Variants in ABI3BP observed in about 807,000 individuals in gnomAD.
ABI3BP encodes the protein ABI family member 3 binding protein, also known as target of Nesh-SH3.
A neutral mutation model predicts 268.6 loss-of-function variants in ABI3BP; 216 were observed. The observed-to-expected ratio is 0.80, with a 90% CI of 0.72 to 0.90. The LOEUF (loss-of-function observed/expected upper bound fraction) is 0.90, where lower values mean the gene tolerates loss of function less well. Among genes scored for constraint, ABI3BP ranks in the 40% least tolerant of loss-of-function variants. ABI3BP has a pLI of 0.00. For missense variants in ABI3BP, 2,090 were observed against 2,182.4 expected (o/e 0.96, Z 0.84); for synonymous variants, 730 against 730.0 (o/e 1.00, Z 0.00).
chr3:100,961,130 A>C (rs1335673898), intron 1 of ABI3BP, among the ~76,000 whole-genome samples: 3 of 152,264 alleles, frequency 2.0e-5, no homozygotes, highest in Non-Finnish European at 2.9e-5. Flanking sequence ...GGCACAACAA[A>C]GGCAGCCCTA....
chr3:100,894,965 A>AAAAAAAAAAAAAAAAAAC lies in ABI3BP; in HGVS notation c.461+3796_461+3797insGTTTTTTTTTTTTTTTTT, dbSNP rs760156604. ...AAAAAAAAAAAAAAAAAAAAAAAAA[A>AAAAAAAAAAAAAAAAAAC]AACAGAAAAAAAAAACACAAGATGA... On this transcript the variant is annotated intron_variant, in intron 4 of 67. Coordinates refer to ENST00000471714, the MANE Select transcript of ABI3BP (RefSeq NM_001375547.2). Among the ~76,000 whole-genome samples the AAAAAAAAAAAAAAAAAAC allele has an allele frequency of 2.2e-4, 26 of 120,860 alleles. 2 individuals are homozygous for AAAAAAAAAAAAAAAAAAC. The highest frequency in any genetic ancestry group is 3.3e-4 in the Non-Finnish European group (17 of 51,378). The allele number at this position is 120,860 out of a possible 152,430, so 79.3% of individuals were successfully genotyped here. A position where few individuals can be genotyped will look rare whatever the true frequency, so the allele number is the denominator to read the frequency against.
At chr3:100,804,425 G>T (rs2097639963) in intron 51 of ABI3BP, among the ~76,000 whole-genome samples, 1 of 152,118 alleles carries the variant, frequency 6.6e-6, no homozygotes, top group Non-Finnish European at 1.5e-5. Context: ...GCCTCCATTT[G>T]TAAAAACACT....
chr3:100,864,766 T>A (rs2099033322), intron 11 of ABI3BP, 67 bp downstream of exon 11: 1 of 1,225,986 alleles, frequency 8.2e-7, no homozygotes, highest in South Asian at 1.4e-5. Flanking sequence ...TTCTTTTCTG[T>A]GAGTCCTGGG....
intron 1 of ABI3BP, among the ~76,000 whole-genome samples, chr3:100,974,936 G>A (rs148518202): frequency 2.0e-4 from 31 of 152,268 alleles, no homozygotes; most frequent in African/African-American, 7.5e-4. Flanking sequence ...TGCCCAAGAT[G>A]CTGTTTGAGA....
intron 1 of ABI3BP, among the ~76,000 whole-genome samples, chr3:100,982,226 C>A (rs1388027722): frequency 6.6e-6 from 1 of 152,044 alleles, no homozygotes; most frequent in Non-Finnish European, 1.5e-5. Flanking sequence ...CCACCCTCCA[C>A]GTGTGGGGAT....
chr3:100,752,023 G>T (rs1328547770), intron 66 of ABI3BP, among the ~76,000 whole-genome samples: 1 of 152,156 alleles, frequency 6.6e-6, no homozygotes, highest in African/African-American at 2.4e-5. Flanking sequence ...GGTGGAACTG[G>T]CCAGGTGTAT....
intron 1 of ABI3BP, among the ~76,000 whole-genome samples, chr3:100,967,037 C>T (rs1045712120): frequency 4.6e-5 from 7 of 151,760 alleles, no homozygotes; most frequent in African/African-American, 9.7e-5. Context: ...GGTTAATTGA[C>T]TTAATGTTCC....
chr3:100,773,855 G>C (rs995435293), intron 61 of ABI3BP, among the ~76,000 whole-genome samples: 6 of 152,156 alleles, frequency 3.9e-5, no homozygotes, highest in Non-Finnish European at 7.4e-5. Flanking sequence ...AGTTCATACT[G>C]TATGTTTTCA....
At chr3:100,753,091 T>G in intron 65 of ABI3BP, 143 bp from the exon 66 acceptor site, 2 of 671,848 alleles carry the variant, frequency 3.0e-6, no homozygotes, top group South Asian at 2.0e-5. Context: ...TAGAGGGATT[T>G]AAACAAGTAA....
intron 2 of ABI3BP, among the ~76,000 whole-genome samples, chr3:100,910,138 T>G (rs1202119844): frequency 6.6e-6 from 1 of 152,048 alleles, no homozygotes; most frequent in Non-Finnish European, 1.5e-5. Context: ...AAACCATCAT[T>G]CTCAACAAAC....
chr3:100,783,584 A>G (rs1231336229), intron 57 of ABI3BP, among the ~76,000 whole-genome samples: 6 of 152,230 alleles, frequency 3.9e-5, no homozygotes, highest in Non-Finnish European at 7.3e-5. Context: ...GCAGAATTAA[A>G]TATCTGTGAA....
chr3:100,783,893 G>C (rs2096945034), intron 57 of ABI3BP, among the ~76,000 whole-genome samples: 1 of 152,340 alleles, frequency 6.6e-6, no homozygotes, highest in Admixed American at 6.5e-5. Flanking sequence ...TGCATGGCTT[G>C]TAGCATCTCT....
chr3:100,911,575 C>T, intron 2 of ABI3BP: 1 of 649,766 alleles, frequency 1.5e-6, no homozygotes. Context: ...TTTACTGATC[C>T]ATCTTCTTCA....
In ABI3BP at chr3:100,783,017, C is replaced by T. The variant is rs2096915679; in HGVS notation, c.4163-2808G>A. Among the ~76,000 whole-genome samples, 3 of 152,178 alleles carry T rather than the reference C, an allele frequency of 2.0e-5. 1 individual carries two copies. Among genetic ancestry groups the T allele is most frequent in the Admixed American group, 2.0e-4 (3 of 15,270 alleles). Reference sequence around the variant, plus strand: ...ATCTCTGGATTTACATAGTTCACCCCTCAGCAATTTATCATCCAAAATGAA... The same window carrying T: ...ATCTCTGGATTTACATAGTTCACCCTTCAGCAATTTATCATCCAAAATGAA... On this transcript the variant is annotated intron_variant, in intron 57 of 67. Transcript: ENST00000471714.
At chr3:100,781,498 C>T (rs945890003) in intron 57 of ABI3BP, among the ~76,000 whole-genome samples, 1 of 152,120 alleles carries the variant, frequency 6.6e-6, no homozygotes, top group African/African-American at 2.4e-5. Context: ...AGGCAGGCCA[C>T]AGGCAAATGG....
intron 51 of ABI3BP, among the ~76,000 whole-genome samples, chr3:100,802,528 A>G (rs1185176940): frequency 6.6e-6 from 1 of 152,150 alleles, no homozygotes; most frequent in Non-Finnish European, 1.5e-5. Flanking sequence ...CCGATTTGTC[A>G]AGATTCCTCA....
chr3:100,801,678 A>G (rs987622507), intron 51 of ABI3BP, among the ~76,000 whole-genome samples: 3 of 152,094 alleles, frequency 2.0e-5, no homozygotes, highest in Non-Finnish European at 4.4e-5. Flanking sequence ...AAATTGTTTG[A>G]AAAAAAGAAA....
intron 1 of ABI3BP, among the ~76,000 whole-genome samples, chr3:100,946,991 T>C (rs939131243): frequency 2.6e-5 from 4 of 152,162 alleles, no homozygotes; most frequent in African/African-American, 9.7e-5. Context: ...TACGTGTACA[T>C]TTTGCTTTGT....
Position 100,837,109 on chromosome 3 carries a change from A to C in ABI3BP, c.2131+15T>G. 1 of 1,529,962 alleles carries C rather than the reference A, an allele frequency of 6.5e-7. No individual in the cohort carries two copies. The highest frequency in any genetic ancestry group is 1.2e-5 in the South Asian group (1 of 82,942). The allele number at this position is 1,529,962 out of a possible 1,614,324, so 94.8% of individuals were successfully genotyped here. ...TCAGAGAAACATTGGCCAAGAAGGA[A>C]GAAAGCATCATTACCTATGGTCATT... On this transcript the variant is annotated intron_variant, in intron 27 of 67. Transcript: ENST00000471714.
Sources: gnomAD v4.1 joint callset for allele counts (sites outside exome capture counted in the v4.1 genomes callset) on GRCh38, gnomAD v4.1.1 for gene constraint, MANE v1.5 for transcripts, NCBI Gene and HGNC (gene_info 2026-07-23, HGNC 2026-07-21) for gene names.